The following NUP210L variants were observed in gnomAD, a reference collection of about 807,000 sequenced individuals.
The protein encoded by NUP210L is nucleoporin 210 like.
Under a neutral mutation model 208.5 loss-of-function variants are expected in NUP210L, and 74 were observed. The observed-to-expected ratio is 0.35, with a 90% CI of 0.29 to 0.43. The LOEUF (loss-of-function observed/expected upper bound fraction) is 0.43. Ranked by LOEUF, NUP210L falls within the 20% of genes least tolerant of loss-of-function variation. The probability of loss-of-function intolerance (pLI) is 1.00; values close to 1 mark genes in which losing one functional copy is unlikely to be tolerated. For missense variants in NUP210L, 1,843 were observed against 2,289.4 expected (o/e 0.81, Z 3.98); for synonymous variants, 780 against 816.9 (o/e 0.95, Z 0.77).
intron 14 of NUP210L, among the ~76,000 whole-genome samples, chr1:154,099,405 A>G (rs983269009): frequency 3.9e-5 from 6 of 152,152 alleles, no homozygotes; most frequent in Admixed American, 3.9e-4. Context: ...CCCCAGCTGC[A>G]TCTCCCTGCT....
At chr1:154,143,057 G>A (rs909458292) in intron 3 of NUP210L, among the ~76,000 whole-genome samples, 1 of 151,844 alleles carries the variant, frequency 6.6e-6, no homozygotes, top group Non-Finnish European at 1.5e-5. Flanking sequence ...GAGTGGTGGC[G>A]CAGGCCTGTA....
Position 154,117,749 on chromosome 1 carries a change from A to AT in NUP210L, c.1595dup (p.Asn532LysfsTer9), listed in dbSNP as rs1217280005. On this transcript the variant is annotated frameshift_variant, in exon 12 of 40. Coordinates refer to ENST00000368559, the Ensembl canonical transcript of NUP210L. LOFTEE classifies it high-confidence loss of function. ...CCTTAATTTCTCCATATCGAAAGGG[A>AT]TTTTGTACATCTCGGGCCAAAACAG... 1 of 1,607,650 alleles carries AT rather than the reference A, an allele frequency of 6.2e-7. No individual in the cohort carries two copies. Among genetic ancestry groups the AT allele is most frequent in the African/African-American group, 1.3e-5 (1 of 74,682 alleles).
At chr1:154,088,063 C>T (rs191502052) in intron 16 of NUP210L, among the ~76,000 whole-genome samples, 57 of 152,264 alleles carry the variant, frequency 3.7e-4, no homozygotes, top group Non-Finnish European at 6.0e-4. Flanking sequence ...ATCTGCTGGA[C>T]GCGGTAGCTC....
At position 154,124,233 on chromosome 1, in the gene NUP210L, G is replaced by A. The variant is rs369493900; in HGVS notation, c.1326+2090C>T. On this transcript the variant is annotated intron_variant, in intron 10 of 39. Coordinates refer to ENST00000368559, the Ensembl canonical transcript of NUP210L. ...GAGAGAGAGAGAGCACAACGGGGAT[G>A]GTAAAAAAAAAAAAGATTTGACTGG... Among the ~76,000 whole-genome samples the A allele has an allele frequency of 2.9e-3, 385 of 133,392 alleles. 2 individuals carry two copies. The highest frequency in any genetic ancestry group is 9.4e-3 in the African/African-American group (366 of 39,124). The allele number at this position is 133,392 out of a possible 152,430, so 87.5% of individuals were successfully genotyped here. A position where few individuals can be genotyped will look rare whatever the true frequency, so the allele number is the denominator to read the frequency against.
intron 33 of NUP210L, among the ~76,000 whole-genome samples, chr1:154,013,099 T>C (rs1651040046): frequency 6.7e-6 from 1 of 148,314 alleles, no homozygotes. Context: ...GGTCTCACTA[T>C]GTTGCCCCAG....
At position 154,004,390 on chromosome 1, in the gene NUP210L, C is replaced by T. The variant is rs1294861797; in HGVS notation, c.4931-2405G>A. ...GGCCTTCTTTTTTTTTCTTTTGAGA[C>T]GAAGTCTCGTTCTGTCGCCCAGGCT... On this transcript the variant is annotated intron_variant, in intron 35 of 39. Transcript: ENST00000368559. 4.3e-5 allele frequency among the ~76,000 whole-genome samples: 6 copies of T among 140,552 alleles called. No homozygotes were observed. The East Asian group carries it at 1.1e-3, about 25-fold the overall frequency. The allele number at this position is 140,552 out of a possible 152,430, so 92.2% of individuals were successfully genotyped here. A position where few individuals can be genotyped will look rare whatever the true frequency, so the allele number is the denominator to read the frequency against.
At chr1:154,006,966 A>ATTTTT (rs1196661554) in intron 35 of NUP210L, among the ~76,000 whole-genome samples, 43 of 115,782 alleles carry the variant, frequency 3.7e-4, no homozygotes, top group Admixed American at 1.5e-3. Context: ...ATATATATAT[A>ATTTTT]TTTTTTTTTT....
chr1:154,103,334 C>T (rs757859237), intron 13 of NUP210L, among the ~76,000 whole-genome samples: 132 of 150,844 alleles, frequency 8.8e-4, no homozygotes, highest in Admixed American at 4.3e-3. Flanking sequence ...GTGGAGGTTG[C>T]AGTGAGCCGA....
intron 35 of NUP210L, among the ~76,000 whole-genome samples, chr1:154,002,418 G>C (rs1291640738): frequency 2.0e-5 from 3 of 151,946 alleles, no homozygotes; most frequent in Non-Finnish European, 4.4e-5. Context: ...TGGATCACAA[G>C]GTCAAGAGTT....
rs114890518 is a variant in NUP210L at position 154,080,527 on chromosome 1, C to G, written c.2361+8894G>C. On this transcript the variant is annotated intron_variant, in intron 16 of 39. Transcript: ENST00000368559. The stretch of plus-strand genomic sequence containing the variant: ...TGAAACCCTGTCTCTACCAAACATA[C>G]CAAAAAATTTCCCAAGCACGGTGGC... Among the ~76,000 whole-genome samples, 637 of 151,294 alleles carry G rather than the reference C, an allele frequency of 4.2e-3. 2 individuals are homozygous for G. Among genetic ancestry groups the G allele is most frequent in the African/African-American group, 0.012 (487 of 41,162 alleles).
Position 154,104,001 on chromosome 1 carries a change from G to C in NUP210L, c.1819+11C>G, listed in dbSNP as rs754340618. 1.3e-6 allele frequency: 2 copies of C among 1,593,368 alleles called. No individual in the cohort carries two copies. The highest frequency in any genetic ancestry group is 2.2e-5 in the East Asian group (1 of 44,674). On this transcript the variant is annotated intron_variant, in intron 13 of 39. Transcript: ENST00000368559. The stretch of plus-strand genomic sequence containing the variant: ...GACAAAGGAAGGAGAAGATAAAAAG[G>C]CTACTTTTACCTTCTTTGAGAAGAG...
rs538941374 is a variant in NUP210L at position 154,134,582 on chromosome 1, A to G, written c.1009+1232T>C. 1.6e-3 allele frequency among the ~76,000 whole-genome samples: 243 copies of G among 150,864 alleles called. 1 individual carries two copies. Among genetic ancestry groups the G allele is most frequent in the African/African-American group, 5.7e-3 (236 of 41,286 alleles). On this transcript the variant is annotated intron_variant, in intron 7 of 39. Coordinates refer to ENST00000368559, the Ensembl canonical transcript of NUP210L. The stretch of plus-strand genomic sequence containing the variant: ...GAAACCCCGTCTCTACTAAAAATAC[A>G]AAAAATTAGCTGGGCGAGGTGACGG...
Position 154,028,923 on chromosome 1 carries a change from C to T in NUP210L, c.3855+973G>A, listed in dbSNP as rs936925989. Among the ~76,000 whole-genome samples the T allele has an allele frequency of 2.0e-5, 3 of 151,218 alleles. No homozygotes were observed. In the South Asian group the frequency reaches 6.3e-4, roughly 32 times the overall value. ...CAGCCTGGACAACGTGGCGAAACCC[C>T]GTCTCTACTAAAAATACAAAAATTA... On this transcript the variant is annotated intron_variant, in intron 28 of 39. Transcript: ENST00000368559.
intron 12 of NUP210L, among the ~76,000 whole-genome samples, chr1:154,105,208 G>GAATAAACATTT (rs1656689394): frequency 6.6e-6 from 1 of 152,150 alleles, no homozygotes; most frequent in African/African-American, 2.4e-5. Flanking sequence ...CTTGGGCCTT[G>GAATAAACATTT]GCCGGGTGCA....
At chr1:154,124,494 T>C (rs1657782817) in intron 10 of NUP210L, among the ~76,000 whole-genome samples, 2 of 152,184 alleles carry the variant, frequency 1.3e-5, no homozygotes, top group South Asian at 4.1e-4. Flanking sequence ...ACTCCATTTC[T>C]GTTGTTACAC....
In NUP210L at chr1:154,135,804, A is replaced by C. The variant is rs776935464; in HGVS notation, c.1009+10T>G. The C allele has an allele frequency of 6.2e-7, 1 of 1,612,610 alleles. No individual in the cohort carries two copies. The stretch of plus-strand genomic sequence containing the variant: ...GTAGACTGGCAGCTAAAACTTGAAC[A>C]AAAGGATACTTTTATGGACAAAGAC... On this transcript the variant is annotated intron_variant, in intron 7 of 39. Transcript: ENST00000368559.
chr1:154,016,803 A>G (rs1245209271), intron 33 of NUP210L, among the ~76,000 whole-genome samples: 1 of 151,790 alleles, frequency 6.6e-6, no homozygotes, highest in Non-Finnish European at 1.5e-5. Flanking sequence ...ACAAAACAAA[A>G]CAAAACAAAA....
At chr1:154,065,475 A>G (rs1192868978) in intron 17 of NUP210L, among the ~76,000 whole-genome samples, 4 of 152,204 alleles carry the variant, frequency 2.6e-5, no homozygotes, top group Non-Finnish European at 4.4e-5. Flanking sequence ...CTTGTAAGAA[A>G]TGTTGGCCCC....
Position 154,023,116 on chromosome 1 carries a change from C to T in NUP210L, c.4298+6G>A, listed in dbSNP as rs746313021. ...AGTGTCAATACCATTCCTTTGACTT[C>T]CATACCTGTTCAGAGCCAGATAAAG... On this transcript the variant is annotated splice_donor_region_variant and intron_variant, in intron 31 of 39. Coordinates refer to ENST00000368559, the Ensembl canonical transcript of NUP210L. 17 of 1,612,418 alleles carry T rather than the reference C, an allele frequency of 1.1e-5. 1 individual carries two copies. The South Asian group carries it at 1.7e-4, about 16-fold the overall frequency.
Sources: allele counts gnomAD v4.1 joint callset (sites outside exome capture counted in the v4.1 genomes callset), GRCh38; gene constraint gnomAD v4.1.1; transcripts MANE v1.5; gene names NCBI Gene and HGNC (gene_info 2026-07-23, HGNC 2026-07-21).